FCHO1: variants seen among roughly 807,000 people sequenced by gnomAD.
FCHO1 encodes the protein FCH and mu domain containing endocytic adaptor 1.
FCHO1 carries 45 observed loss-of-function variants against 114.4 expected under a neutral mutation model. That is an observed-to-expected ratio of 0.39 (90% CI 0.31 to 0.50). FCHO1 has a LOEUF of 0.50. FCHO1 is among the 20% of genes least tolerant of loss of function. The pLI, the probability that FCHO1 is intolerant of heterozygous loss-of-function variation, is 0.77. For missense variants in FCHO1, 1,042 were observed against 1,209.6 expected, an observed-to-expected ratio of 0.86 and a Z score of 2.06; for synonymous variants, 480 against 488.9, an observed-to-expected ratio of 0.98 and a Z score of 0.24.
chr19:17,783,207 G>A (rs1272933051), intron 24 of FCHO1, 35 bp downstream of exon 24: 5 of 1,598,686 alleles, frequency 3.1e-6, no homozygotes, highest in Non-Finnish European at 4.3e-6. Context: ...GGGCCTCGGA[G>A]GCTGCTGGGG....
In FCHO1 at chr19:17,755,153, G is replaced by C; in HGVS notation, c.-12G>C. 1 of 1,612,986 alleles carries C rather than the reference G, an allele frequency of 6.2e-7. No individual in the cohort carries two copies. Among genetic ancestry groups the C allele is most frequent in the African/African-American group, 1.3e-5 (1 of 74,942 alleles). On this transcript the variant is annotated 5_prime_UTR_variant, in exon 4 of 29. Coordinates refer to ENST00000596536, the MANE Select transcript of FCHO1 (RefSeq NM_015122.3). ...GACGGGGCCTGCAGGGGTCTCCACA[G>C]AGACCATCAGGATGTCGTATTTTGG...
Position 17,788,261 on chromosome 19 carries a change from C to G in FCHO1, c.2648-23C>G. On this transcript the variant is annotated intron_variant, in intron 28 of 28. Transcript: ENST00000596536. ...CCGTACCCCTCCTCCCCACCCCTCC[C>G]CCTCACAGCTGCACCCCCACAGGGA... 6.6e-7 allele frequency: 1 copy of G among 1,518,120 alleles called. No homozygotes were observed. The highest frequency in any genetic ancestry group is 2.3e-5 in the East Asian group (1 of 43,902). The allele number at this position is 1,518,120 out of a possible 1,614,324, so 94.0% of individuals were successfully genotyped here. A position where few individuals can be genotyped will look rare whatever the true frequency, so the allele number is the denominator to read the frequency against.
rs186270131 is a variant in FCHO1, at chr19:17,784,432, G to T, written c.2226+197G>T. Among the ~76,000 whole-genome samples, 1 of 152,270 alleles carries T rather than the reference G, an allele frequency of 6.6e-6. No homozygotes were observed. The highest frequency in any genetic ancestry group is 1.5e-5 in the Non-Finnish European group (1 of 68,024). On this transcript the variant is annotated intron_variant, in intron 25 of 28. Transcript: ENST00000596536. This position sits in a 1 kb window ranked among gnomAD's most constrained non-coding sequence, Gnocchi z 5.3. Reference sequence around the variant, plus strand: ...AATGAACGGTGGAGGAGTAGGCAGTGTGGAAGAGCGTGCATCCCCTGTTGC... The same window carrying T: ...AATGAACGGTGGAGGAGTAGGCAGTTTGGAAGAGCGTGCATCCCCTGTTGC...
intron 4 of FCHO1, among the ~76,000 whole-genome samples, chr19:17,757,648 GCTCACGT>G (rs1477783310): frequency 1.3e-5 from 2 of 152,194 alleles, no homozygotes; most frequent in African/African-American, 4.8e-5. Context: ...GAGCGTGGTA[GCTCACGT>G]CTGTAATCCA....
chr19:17,782,215 TG>T (rs1166210039), intron 23 of FCHO1, among the ~76,000 whole-genome samples: 2 of 152,064 alleles, frequency 1.3e-5, no homozygotes, highest in African/African-American at 4.8e-5. Context: ...TTTGTTTGTT[TG>T]TTTTGAGACA....
At chr19:17,767,585 A>AAGAG (rs1491475500) in intron 7 of FCHO1, among the ~76,000 whole-genome samples, 1 of 146,740 alleles carries the variant, frequency 6.8e-6, no homozygotes, top group Non-Finnish European at 1.5e-5. Flanking sequence ...AAAAAAAAAC[A>AAGAG]AGAGAGAGAG....
chr19:17,763,555 C>T (rs1216293036), intron 5 of FCHO1, among the ~76,000 whole-genome samples: 4 of 145,256 alleles, frequency 2.8e-5, no homozygotes, highest in Non-Finnish European at 4.5e-5. Context: ...TAAGCCACTG[C>T]ACTCTGCCTT....
chr19:17,772,744 G>C lies in FCHO1; in HGVS notation c.790+3G>C. The C allele has an allele frequency of 6.2e-7, 1 of 1,613,406 alleles. No individual in the cohort carries two copies. The highest frequency in any genetic ancestry group is 8.5e-7 in the Non-Finnish European group (1 of 1,179,362). On this transcript the variant is annotated splice_donor_region_variant and intron_variant, in intron 11 of 28. Transcript: ENST00000596536. ...GGGCACAGGCCGGGAGAAGCCTGGT[G>C]AGTCAGGGCAGCCATTGGGGGTCGG...
intron 20 of FCHO1, among the ~76,000 whole-genome samples, chr19:17,780,938 A>AC (rs2093345145): frequency 6.6e-6 from 1 of 151,454 alleles, no homozygotes; most frequent in African/African-American, 2.4e-5. Flanking sequence ...CCTCTGCTGA[A>AC]CCCCCCTTAC....
rs1461276222 is a variant in FCHO1 at position 17,776,771 on chromosome 19, C to T, written c.1259+85C>T. 2.3e-6 allele frequency: 3 copies of T among 1,322,314 alleles called. No individual in the cohort carries two copies. The highest frequency in any genetic ancestry group is 2.9e-5 in the African/African-American group (2 of 68,170). 81.9% of individuals were successfully genotyped at this position (1,322,314 alleles called of 1,614,324 possible). ...ATGTCTCCGCCTGGTGTTCTCTTGT[C>T]CCGGCTGGGAGTTGACGTCATGCTG... On this transcript the variant is annotated intron_variant, in intron 18 of 28. Transcript: ENST00000596536. The surrounding 1 kb of genome is among the most constrained non-coding windows in gnomAD (Gnocchi z 4.4).
At chr19:17,764,814 C>G (rs111512914) in intron 6 of FCHO1, among the ~76,000 whole-genome samples, 7,069 of 150,972 alleles carry the variant, frequency 0.047, 269 homozygotes, top group Non-Finnish European at 0.061. Context: ...GCCTGTACTC[C>G]CAGCACTTTG....
intron 4 of FCHO1, among the ~76,000 whole-genome samples, chr19:17,761,040 A>T (rs2085930232): frequency 6.6e-6 from 1 of 152,260 alleles, no homozygotes; most frequent in Non-Finnish European, 1.5e-5. Context: ...CTCCCCCACC[A>T]TGACAACCCC....
At chr19:17,765,587 G>T (rs2146711733) in intron 6 of FCHO1, among the ~76,000 whole-genome samples, 1 of 151,888 alleles carries the variant, frequency 6.6e-6, no homozygotes, top group South Asian at 2.1e-4. Flanking sequence ...GCAGGAGGAT[G>T]GCTTGAACCC....
chr19:17,759,112 G>A (rs779228597), intron 4 of FCHO1, among the ~76,000 whole-genome samples: 3 of 151,978 alleles, frequency 2.0e-5, no homozygotes, highest in Non-Finnish European at 4.4e-5. Context: ...TCACTGATGT[G>A]TGTTGGGACT....
chr19:17,783,048 A>G lies in FCHO1; in HGVS notation c.1969A>G (p.Met657Val), dbSNP rs1009114171. ...GGCTCGAGTAACTGGGGAGCTGACC[A>G]TGACCTTCCCTGCTGGCATCGTGCG... ...CLARVTGELT[M>V]TFPAGIVRVF... is the part of the protein sequence containing the mutation. The change falls in exon 24 of 29, where the codon ATG (methionine) becomes GTG (valine). Residue 657 changes from methionine to valine, a missense_variant. Transcript: ENST00000596536. 1.3e-5 allele frequency: 21 copies of G among 1,614,076 alleles called. No individual in the cohort carries two copies. Among genetic ancestry groups the G allele is most frequent in the Non-Finnish European group, 1.7e-5 (20 of 1,179,990 alleles).
At chr19:17,771,059 G>C (rs1252210227) in intron 9 of FCHO1, among the ~76,000 whole-genome samples, 163 bp downstream of exon 9, 1 of 151,712 alleles carries the variant, frequency 6.6e-6, no homozygotes, top group East Asian at 2.0e-4. Context: ...TTTGAGACCA[G>C]CCTGGCCAAC....
At chr19:17,770,118 G>A (rs958432871) in intron 7 of FCHO1, among the ~76,000 whole-genome samples, 1 of 152,064 alleles carries the variant, frequency 6.6e-6, no homozygotes, top group Non-Finnish European at 1.5e-5. Flanking sequence ...TGGCCAACAT[G>A]GTGAAACCCC....
Position 17,787,679 on chromosome 19 carries a change from C to T in FCHO1, c.2483-3C>T. On this transcript the variant is annotated splice_polypyrimidine_tract_variant and splice_region_variant and intron_variant, in intron 27 of 28. Coordinates refer to ENST00000596536, the MANE Select transcript of FCHO1 (RefSeq NM_015122.3). ...GGGCGCAGCTGACTGCAGGTCTCCC[C>T]AGGTTCTGGCCGCCTCTCTGCCAGC... 1 of 1,552,896 alleles carries T rather than the reference C, an allele frequency of 6.4e-7. No individual in the cohort carries two copies. The highest frequency in any genetic ancestry group is 1.4e-5 in the African/African-American group (1 of 73,660).
intron 5 of FCHO1, 88 bp from the exon 6 acceptor site, chr19:17,764,287 C>CT: frequency 7.5e-7 from 1 of 1,341,428 alleles, no homozygotes; most frequent in East Asian, 2.4e-5. Context: ...GTGATCCGTC[C>CT]GCCTCGGCCT....
Sources: allele counts gnomAD v4.1 joint callset (sites outside exome capture counted in the v4.1 genomes callset), GRCh38; gene constraint gnomAD v4.1.1; non-coding constraint Gnocchi (gnomAD v3.1); transcripts MANE v1.5; gene names NCBI Gene and HGNC (gene_info 2026-07-23, HGNC 2026-07-21).